The following NAALADL2 variants were observed in gnomAD, a reference collection of about 807,000 sequenced individuals.
NAALADL2 encodes N-acetylated alpha-linked acidic dipeptidase like 2.
NAALADL2 carries 76 observed loss-of-function variants against 87.2 expected under a neutral mutation model. The observed-to-expected ratio is 0.87, with a 90% CI of 0.72 to 1.05. NAALADL2 has a LOEUF of 1.05. Ranked by LOEUF, NAALADL2 falls within the 50% of genes least tolerant of loss-of-function variation. The pLI is 0.00. For synonymous variants in NAALADL2, 354 were observed against 331.0 expected (o/e 1.07, Z -0.75); for missense variants, 1,089 against 945.8 (o/e 1.15, Z -1.99).
intron 4 of NAALADL2, among the ~76,000 whole-genome samples, chr3:175,307,995 G>A (rs1169254441): frequency 1.3e-5 from 2 of 151,358 alleles, no homozygotes; most frequent in African/African-American, 2.4e-5. Flanking sequence ...GATGTGCACA[G>A]TAACTTGTAA....
At chr3:175,432,168 T>C (rs888084327) in intron 5 of NAALADL2, among the ~76,000 whole-genome samples, 18 of 152,024 alleles carry the variant, frequency 1.2e-4, no homozygotes, top group Non-Finnish European at 2.6e-4. Flanking sequence ...TTAGAGTTAT[T>C]TCTATCACAA....
intron 2 of NAALADL2, among the ~76,000 whole-genome samples, chr3:175,100,531 A>T (rs938549689): frequency 6.6e-6 from 1 of 152,164 alleles, no homozygotes; most frequent in African/African-American, 2.4e-5. Flanking sequence ...TTCACAAGCT[A>T]GTTGCTGATA....
intron 1 of NAALADL2, among the ~76,000 whole-genome samples, chr3:174,489,331 A>G (rs1010614111): frequency 5.9e-5 from 9 of 152,020 alleles, no homozygotes; most frequent in Non-Finnish European, 5.9e-5. Context: ...ATATACAAAA[A>G]CGAACTCAAA....
chr3:175,565,671 T>C (rs1716990640), intron 9 of NAALADL2, among the ~76,000 whole-genome samples: 1 of 152,066 alleles, frequency 6.6e-6, no homozygotes, highest in African/African-American at 2.4e-5. Context: ...CAGTGATATA[T>C]GCATTTTTGA....
At chr3:174,526,461 AG>A (rs1720755066) in intron 1 of NAALADL2, among the ~76,000 whole-genome samples, 1 of 152,212 alleles carries the variant, frequency 6.6e-6, no homozygotes, top group Admixed American at 6.5e-5. Context: ...TGCTTTGACT[AG>A]TAAATAGTTA....
chr3:175,287,431 A>G (rs950677335), intron 4 of NAALADL2, among the ~76,000 whole-genome samples: 1 of 152,204 alleles, frequency 6.6e-6, no homozygotes, highest in Non-Finnish European at 1.5e-5. Flanking sequence ...TGCACTTTAT[A>G]AATACTTTTT....
intron 1 of NAALADL2, among the ~76,000 whole-genome samples, chr3:174,506,231 A>G (rs1416920518): frequency 6.8e-6 from 1 of 147,942 alleles, no homozygotes; most frequent in Non-Finnish European, 1.5e-5. Context: ...CCCAGGCTGG[A>G]GTGCAGTGGT....
At chr3:175,326,711 T>C (rs1760752412) in intron 5 of NAALADL2, among the ~76,000 whole-genome samples, 1 of 152,170 alleles carries the variant, frequency 6.6e-6, no homozygotes, top group Admixed American at 6.5e-5. Context: ...GAAGGCATAA[T>C]GGTAAGAGAG....
At chr3:175,117,023 A>C (rs1227654002) in intron 2 of NAALADL2, among the ~76,000 whole-genome samples, 1 of 152,148 alleles carries the variant, frequency 6.6e-6, no homozygotes, top group Non-Finnish European at 1.5e-5. Flanking sequence ...AGGATTCCCT[A>C]TTTAATAAAT....
chr3:175,599,830 A>T (rs1461974419), intron 10 of NAALADL2, among the ~76,000 whole-genome samples: 1 of 152,156 alleles, frequency 6.6e-6, no homozygotes, highest in Non-Finnish European at 1.5e-5. Flanking sequence ...ATTATTATAG[A>T]AACAGTTTAA....
At chr3:174,476,806 G>A (rs1272059331) in intron 1 of NAALADL2, among the ~76,000 whole-genome samples, 1 of 151,972 alleles carries the variant, frequency 6.6e-6, no homozygotes, top group Non-Finnish European at 1.5e-5. Context: ...ATGTAGTTAT[G>A]CATTGGCTTA....
At chr3:174,523,211 A>T (rs1298793697) in intron 1 of NAALADL2, among the ~76,000 whole-genome samples, 2 of 152,134 alleles carry the variant, frequency 1.3e-5, no homozygotes, top group Non-Finnish European at 2.9e-5. Flanking sequence ...ATCATCATTA[A>T]CTTGTAGACA....
intron 2 of NAALADL2, among the ~76,000 whole-genome samples, chr3:174,712,862 T>G (rs1730795194): frequency 6.6e-6 from 1 of 152,194 alleles, no homozygotes; most frequent in African/African-American, 2.4e-5. Context: ...TGCAGGTTAG[T>G]TACGTATGTA....
intron 2 of NAALADL2, among the ~76,000 whole-genome samples, chr3:174,611,949 C>T (rs887685888): frequency 6.6e-6 from 1 of 151,550 alleles, no homozygotes; most frequent in Admixed American, 6.6e-5. Context: ...TGACGTGCTC[C>T]CTTTAGCATT....
chr3:175,132,697 T>C (rs1262466081), intron 2 of NAALADL2, among the ~76,000 whole-genome samples: 2 of 130,332 alleles, frequency 1.5e-5, no homozygotes, highest in African/African-American at 3.1e-5. Context: ...GGCAGCTGGC[T>C]GGGCAGAGGG....
At chr3:174,696,388 A>G (rs2108867574) in intron 2 of NAALADL2, among the ~76,000 whole-genome samples, 1 of 152,066 alleles carries the variant, frequency 6.6e-6, no homozygotes, top group Non-Finnish European at 1.5e-5. Context: ...TACATAATTC[A>G]TATTTCTTGT....
intron 2 of NAALADL2, among the ~76,000 whole-genome samples, chr3:174,582,497 A>G (rs1005059002): frequency 1.3e-5 from 2 of 152,210 alleles, no homozygotes; most frequent in African/African-American, 4.8e-5. Flanking sequence ...TTCTTATTGG[A>G]TAATATAGAA....
intron 6 of NAALADL2, among the ~76,000 whole-genome samples, chr3:175,460,653 A>G (rs944194450): frequency 3.3e-5 from 5 of 152,210 alleles, no homozygotes; most frequent in African/African-American, 4.8e-5. Context: ...GTAAAATATA[A>G]CCAAATATAC....
upstream of NAALADL2, among the ~76,000 whole-genome samples, chr3:174,858,311 G>A (rs975599877): frequency 6.6e-6 from 1 of 151,676 alleles, no homozygotes; most frequent in African/African-American, 2.4e-5. Flanking sequence ...TATTCTAGGT[G>A]CCTTATGGGG....
Sources: gnomAD v4.1 joint callset for allele counts (sites outside exome capture counted in the v4.1 genomes callset) on GRCh38, gnomAD v4.1.1 for gene constraint, MANE v1.5 for transcripts, NCBI Gene and HGNC (gene_info 2026-07-23, HGNC 2026-07-21) for gene names.